Variants in PHACTR1 observed in about 807,000 individuals in gnomAD.
PHACTR1 encodes phosphatase and actin regulator 1.
In PHACTR1, 16 loss-of-function variants were observed where a neutral mutation model predicts 69.2. The observed-to-expected ratio is 0.23, with a 90% CI of 0.16 to 0.35. The LOEUF (loss-of-function observed/expected upper bound fraction) is 0.35. Ranked by LOEUF, PHACTR1 falls within the 10% of genes least tolerant of loss-of-function variation. The pLI is 1.00. For missense variants in PHACTR1, 510 were observed against 734.7 expected (o/e 0.69, Z 3.54); for synonymous variants, 312 against 284.5 (o/e 1.10, Z -0.97).
At chr6:13,013,806 G>T (rs937658015) in intron 4 of PHACTR1, among the ~76,000 whole-genome samples, 43 of 149,448 alleles carry the variant, frequency 2.9e-4, no homozygotes, top group Admixed American at 5.3e-4. Context: ...CGGGGCGGGG[G>T]CATGCTGGCG....
chr6:13,192,450 T>C lies in PHACTR1; in HGVS notation c.664+9764T>C, dbSNP rs137879346. On this transcript the variant is annotated intron_variant, in intron 7 of 14. Coordinates refer to ENST00000332995, the MANE Select transcript of PHACTR1 (RefSeq NM_030948.6). Reference sequence around the variant, plus strand: ...GGGATGTAGGATTCTTGTGGTGTAGTAAGGAAAATTGGGGCTGAAAAGTGG... The same window carrying C: ...GGGATGTAGGATTCTTGTGGTGTAGCAAGGAAAATTGGGGCTGAAAAGTGG... Among the ~76,000 whole-genome samples the C allele has an allele frequency of 4.4e-3, 668 of 152,262 alleles. 8 individuals are homozygous for C. Among genetic ancestry groups the C allele is most frequent in the African/African-American group, 0.015 (632 of 41,530 alleles).
chr6:12,891,947 A>G (rs1784207491), intron 4 of PHACTR1, among the ~76,000 whole-genome samples: 1 of 152,260 alleles, frequency 6.6e-6, no homozygotes, highest in Admixed American at 6.5e-5. Context: ...GGATGATTGA[A>G]TGAGATAATA....
At chr6:13,219,502 C>T (rs1384309223) in intron 8 of PHACTR1, among the ~76,000 whole-genome samples, 2 of 152,150 alleles carry the variant, frequency 1.3e-5, no homozygotes, top group South Asian at 2.1e-4. Context: ...GATACAAAAC[C>T]CACTGCACGA....
chr6:12,822,852 C>T (rs769545588), intron 4 of PHACTR1, among the ~76,000 whole-genome samples: 3 of 152,126 alleles, frequency 2.0e-5, no homozygotes, highest in Non-Finnish European at 2.9e-5. Flanking sequence ...GTAGATGAGC[C>T]ATAAGGCCAC....
At chr6:12,924,846 C>T (rs1788110832) in intron 4 of PHACTR1, among the ~76,000 whole-genome samples, 2 of 151,668 alleles carry the variant, frequency 1.3e-5, no homozygotes, top group South Asian at 4.2e-4. Flanking sequence ...CTCATTTGGA[C>T]CCAACTTTAA....
chr6:12,729,082 C>G (rs1356745026), intron 3 of PHACTR1, among the ~76,000 whole-genome samples: 2 of 152,172 alleles, frequency 1.3e-5, no homozygotes, highest in Non-Finnish European at 1.5e-5. Flanking sequence ...AGGAAATAGG[C>G]AGGGCTTCTG....
intron 4 of PHACTR1, among the ~76,000 whole-genome samples, chr6:13,005,378 C>T (rs981780492): frequency 1.3e-5 from 2 of 152,080 alleles, no homozygotes; most frequent in Admixed American, 6.6e-5. Context: ...TCACATATTG[C>T]TGTCCTACCC....
chr6:12,757,665 TGA>T (rs1256747618), intron 4 of PHACTR1, among the ~76,000 whole-genome samples: 2 of 151,980 alleles, frequency 1.3e-5, no homozygotes, highest in Non-Finnish European at 2.9e-5. Flanking sequence ...ATGTAGGTTG[TGA>T]GAGGAGAAGA....
intron 4 of PHACTR1, among the ~76,000 whole-genome samples, chr6:12,831,616 C>A (rs1777594271): frequency 6.6e-6 from 1 of 152,102 alleles, no homozygotes; most frequent in African/African-American, 2.4e-5. Context: ...TCATAGGAGG[C>A]CTTGGCCTGT....
At chr6:13,259,736 G>A (rs1189847306) in intron 10 of PHACTR1, among the ~76,000 whole-genome samples, 1 of 152,164 alleles carries the variant, frequency 6.6e-6, no homozygotes, top group African/African-American at 2.4e-5. Flanking sequence ...GATGAGTGGT[G>A]CAGGCAGGCC....
intron 4 of PHACTR1, among the ~76,000 whole-genome samples, chr6:13,001,527 C>G (rs905504380): frequency 3.3e-5 from 5 of 152,064 alleles, no homozygotes; most frequent in African/African-American, 9.7e-5. Flanking sequence ...TTTCATTGTC[C>G]TCTCCCCACC....
intron 3 of PHACTR1, among the ~76,000 whole-genome samples, chr6:12,733,253 T>C (rs890231246): frequency 6.6e-6 from 1 of 152,208 alleles, no homozygotes; most frequent in African/African-American, 2.4e-5. Flanking sequence ...TTAATTTAAT[T>C]AGCTCATTTT....
At chr6:13,059,795 T>C (rs984174178) in intron 5 of PHACTR1, among the ~76,000 whole-genome samples, 8 of 152,114 alleles carry the variant, frequency 5.3e-5, no homozygotes, top group African/African-American at 1.9e-4. Context: ...TGTGTAGATA[T>C]GTGTTTGAGT....
chr6:13,073,919 C>G (rs1454370665), intron 5 of PHACTR1, among the ~76,000 whole-genome samples: 6 of 150,384 alleles, frequency 4.0e-5, no homozygotes, highest in Non-Finnish European at 7.4e-5. Flanking sequence ...GTCACCCAGG[C>G]TAGAGTGAAG....
chr6:13,177,676 G>A (rs1014684934), intron 6 of PHACTR1, among the ~76,000 whole-genome samples: 2 of 152,150 alleles, frequency 1.3e-5, no homozygotes, highest in Non-Finnish European at 2.9e-5. Context: ...AAAGCCAAAT[G>A]AAGAACAATA....
rs370177071 is a variant in PHACTR1, at chr6:13,053,536, T to C, written c.415+7T>C. The C allele has an allele frequency of 3.8e-5, 62 of 1,611,618 alleles. No individual in the cohort carries two copies. The highest frequency in any genetic ancestry group is 5.3e-5 in the Non-Finnish European group (62 of 1,178,750). On this transcript the variant is annotated splice_region_variant and intron_variant, in intron 5 of 14. Coordinates refer to ENST00000332995, the MANE Select transcript of PHACTR1 (RefSeq NM_030948.6). Reference sequence around the variant, plus strand: ...TTCAAACACACGTCAGCAGGTAAGATGATTTGTTCTTTCATTTCCCATTTG... The same window carrying C: ...TTCAAACACACGTCAGCAGGTAAGACGATTTGTTCTTTCATTTCCCATTTG...
chr6:12,937,884 T>G (rs538758648), intron 4 of PHACTR1, among the ~76,000 whole-genome samples: 2 of 152,268 alleles, frequency 1.3e-5, no homozygotes, highest in Admixed American at 6.5e-5. Context: ...GCTGATCACT[T>G]GAGGTCAGGA....
intron 4 of PHACTR1, among the ~76,000 whole-genome samples, chr6:13,010,996 C>T (rs1231409542): frequency 6.6e-6 from 1 of 152,198 alleles, no homozygotes; most frequent in Non-Finnish European, 1.5e-5. Context: ...GGCCACCTTC[C>T]AAACTGCTGC....
intron 10 of PHACTR1, among the ~76,000 whole-genome samples, chr6:13,265,624 A>G (rs1418037514): frequency 6.6e-6 from 1 of 152,166 alleles, no homozygotes; most frequent in East Asian, 1.9e-4. Flanking sequence ...GACCGAGTCT[A>G]TTGGAACATC....
Sources: gnomAD v4.1 joint callset for allele counts (sites outside exome capture counted in the v4.1 genomes callset) on GRCh38, gnomAD v4.1.1 for gene constraint, MANE v1.5 for transcripts, NCBI Gene and HGNC (gene_info 2026-07-23, HGNC 2026-07-21) for gene names.